NALF1: variants seen among roughly 807,000 people sequenced by gnomAD.
NALF1 encodes the protein NALCN channel auxiliary factor 1, also known as family with sequence similarity 155 member A.
Under a neutral mutation model 48.4 loss-of-function variants are expected in NALF1, and 3 were observed. The ratio of observed to expected loss-of-function variants is 0.06; its 90% CI spans 0.03 to 0.16. The LOEUF (loss-of-function observed/expected upper bound fraction) is 0.16. Ranked by LOEUF, NALF1 falls within the 10% of genes least tolerant of loss-of-function variation. The pLI is 1.00. For missense variants in NALF1, 526 were observed against 571.5 expected (o/e 0.92, Z 0.81); for synonymous variants, 262 against 245.7 (o/e 1.07, Z -0.62).
intron 1 of NALF1, among the ~76,000 whole-genome samples, chr13:107,509,798 A>AATTATT (rs1221933937): frequency 6.6e-6 from 1 of 151,802 alleles, no homozygotes; most frequent in East Asian, 1.9e-4. Context: ...GTTTAACTAC[A>AATTATT]ATTATTATTA....
intron 1 of NALF1, among the ~76,000 whole-genome samples, chr13:107,811,857 G>T (rs1474863885): frequency 6.6e-6 from 1 of 152,082 alleles, no homozygotes; most frequent in Non-Finnish European, 1.5e-5. Context: ...GTTCCTGAAG[G>T]CCTCATCTCC....
At chr13:107,575,582 C>T (rs1169294317) in intron 1 of NALF1, among the ~76,000 whole-genome samples, 1 of 152,150 alleles carries the variant, frequency 6.6e-6, no homozygotes, top group African/African-American at 2.4e-5. Flanking sequence ...AACTTGCCCT[C>T]GTCACCCATG....
At chr13:107,748,896 G>A (rs1232689533) in intron 1 of NALF1, among the ~76,000 whole-genome samples, 1 of 152,112 alleles carries the variant, frequency 6.6e-6, no homozygotes, top group African/African-American at 2.4e-5. Context: ...CTTAGCTGTG[G>A]GGAATGGGCA....
intron 2 of NALF1, among the ~76,000 whole-genome samples, chr13:107,182,208 T>C (rs1400739327): frequency 6.6e-6 from 1 of 151,266 alleles, no homozygotes; most frequent in Non-Finnish European, 1.5e-5. Flanking sequence ...TATGAGCATA[T>C]TTATTTATTT....
chr13:107,689,481 T>G (rs1300023700), intron 1 of NALF1, among the ~76,000 whole-genome samples: 1 of 152,208 alleles, frequency 6.6e-6, no homozygotes, highest in African/African-American at 2.4e-5. Flanking sequence ...GGTAATAAAT[T>G]GACACTGTAA....
intron 1 of NALF1, among the ~76,000 whole-genome samples, chr13:107,314,907 T>G (rs1882116291): frequency 1.3e-5 from 2 of 152,138 alleles, no homozygotes; most frequent in Non-Finnish European, 2.9e-5. Flanking sequence ...AAAGTTGTCA[T>G]CTGGTGGTGG....
chr13:107,183,377 ACT>A (rs1263462135), intron 2 of NALF1, among the ~76,000 whole-genome samples: 6 of 152,192 alleles, frequency 3.9e-5, no homozygotes, highest in Non-Finnish European at 7.3e-5. Context: ...AAATAGGAAC[ACT>A]TTTATACTGT....
At chr13:107,724,769 C>T (rs1010479854) in intron 1 of NALF1, among the ~76,000 whole-genome samples, 5 of 151,994 alleles carry the variant, frequency 3.3e-5, no homozygotes, top group Admixed American at 6.6e-5. Flanking sequence ...TTTGTAGAGA[C>T]GGAGTGTCAC....
intron 1 of NALF1, among the ~76,000 whole-genome samples, chr13:107,273,151 A>G (rs1371717187): frequency 1.3e-5 from 2 of 152,224 alleles, no homozygotes; most frequent in African/African-American, 2.4e-5. Flanking sequence ...CTCCCCCAAT[A>G]CACAGAAGAA....
intron 1 of NALF1, among the ~76,000 whole-genome samples, chr13:107,670,889 C>T (rs1023260414): frequency 6.6e-5 from 10 of 152,140 alleles, no homozygotes; most frequent in Admixed American, 3.3e-4. Context: ...CCAGTCAAGA[C>T]ATTTTTGGGT....
intron 1 of NALF1, among the ~76,000 whole-genome samples, chr13:107,529,152 C>T (rs1222967518): frequency 6.6e-6 from 1 of 152,096 alleles, no homozygotes; most frequent in Non-Finnish European, 1.5e-5. Flanking sequence ...GAGAGAGAAG[C>T]CTAATGCTGG....
intron 1 of NALF1, among the ~76,000 whole-genome samples, chr13:107,605,649 A>G (rs1879045698): frequency 6.6e-6 from 1 of 152,154 alleles, no homozygotes; most frequent in Admixed American, 6.5e-5. Flanking sequence ...ATTTCCATCT[A>G]TGTACATATG....
intron 1 of NALF1, among the ~76,000 whole-genome samples, chr13:107,826,822 C>T (rs1368147784): frequency 2.0e-5 from 3 of 152,178 alleles, no homozygotes; most frequent in African/African-American, 7.2e-5. Flanking sequence ...CTCTCTTAGC[C>T]TCAGTTTTCT....
At chr13:107,173,919 T>G (rs1171771531) in intron 2 of NALF1, among the ~76,000 whole-genome samples, 1 of 152,210 alleles carries the variant, frequency 6.6e-6, no homozygotes, top group African/African-American at 2.4e-5. Flanking sequence ...TTCATATTAC[T>G]TCATCCCTTA....
At chr13:107,553,795 G>A (rs1305085027) in intron 1 of NALF1, among the ~76,000 whole-genome samples, 3 of 152,172 alleles carry the variant, frequency 2.0e-5, no homozygotes, top group Non-Finnish European at 4.4e-5. Flanking sequence ...TCCAAGACGC[G>A]AGTATCTCAG....
intron 1 of NALF1, among the ~76,000 whole-genome samples, chr13:107,425,579 T>C (rs1030272991): frequency 1.3e-5 from 2 of 152,202 alleles, no homozygotes; most frequent in African/African-American, 2.4e-5. Flanking sequence ...TGTACTATGA[T>C]ATCAGATATC....
chr13:107,304,915 G>T, intron 1 of NALF1, among the ~76,000 whole-genome samples: 1 of 152,180 alleles, frequency 6.6e-6, no homozygotes, highest in Admixed American at 6.5e-5. Context: ...GAAAATAAAT[G>T]CAAAAGTCTT....
intron 1 of NALF1, among the ~76,000 whole-genome samples, chr13:107,335,837 G>A (rs1882545868): frequency 6.6e-6 from 1 of 152,134 alleles, no homozygotes; most frequent in Admixed American, 6.5e-5. Context: ...GTGGGATATT[G>A]GGATAGATTT....
At chr13:107,274,460 G>A (rs1881238481) in intron 1 of NALF1, among the ~76,000 whole-genome samples, 1 of 152,174 alleles carries the variant, frequency 6.6e-6, no homozygotes, top group African/African-American at 2.4e-5. Flanking sequence ...TCCATGGGAA[G>A]TTCAGGCAGG....
Sources: gnomAD v4.1 joint callset for allele counts (sites outside exome capture counted in the v4.1 genomes callset) on GRCh38, gnomAD v4.1.1 for gene constraint, MANE v1.5 for transcripts, NCBI Gene and HGNC (gene_info 2026-07-23, HGNC 2026-07-21) for gene names.